The following CADM2 variants were observed in gnomAD, a reference collection of about 807,000 sequenced individuals.
CADM2 encodes the protein cell adhesion molecule 2, also known as immunoglobulin superfamily member 4D.
CADM2 carries 12 observed loss-of-function variants against 49.8 expected under a neutral mutation model. That is an observed-to-expected ratio of 0.24 (90% CI 0.15 to 0.39). CADM2 has a LOEUF of 0.39. Among genes scored for constraint, CADM2 ranks in the 10% least tolerant of loss-of-function variants. CADM2 has a pLI of 1.00. For synonymous variants in CADM2, 214 were observed against 175.4 expected (o/e 1.22, Z -1.74); for missense variants, 378 against 492.3 (o/e 0.77, Z 2.20).
At chr3:85,125,173 G>A (rs974566652) in intron 1 of CADM2, among the ~76,000 whole-genome samples, 1 of 152,114 alleles carries the variant, frequency 6.6e-6, no homozygotes, top group Non-Finnish European at 1.5e-5. Context: ...GTTTTATTTT[G>A]TTATCAAAGC....
intron 1 of CADM2, among the ~76,000 whole-genome samples, chr3:85,613,519 G>C (rs1210712657): frequency 6.6e-6 from 1 of 151,702 alleles, no homozygotes; most frequent in Non-Finnish European, 1.5e-5. Context: ...GAATATTAAA[G>C]AGAGGTCTTT....
chr3:85,458,421 C>T (rs906725702), intron 1 of CADM2, among the ~76,000 whole-genome samples: 1 of 152,132 alleles, frequency 6.6e-6, no homozygotes, highest in Non-Finnish European at 1.5e-5. Flanking sequence ...GTCTGCAACA[C>T]AGTGATCTAA....
chr3:85,823,831 T>C (rs1451953528), intron 3 of CADM2, among the ~76,000 whole-genome samples: 1 of 152,098 alleles, frequency 6.6e-6, no homozygotes, highest in Non-Finnish European at 1.5e-5. Flanking sequence ...TTTTGATATA[T>C]AAAGATACAG....
intron 1 of CADM2, among the ~76,000 whole-genome samples, chr3:84,979,211 T>C (rs1274130013): frequency 1.3e-5 from 2 of 152,224 alleles, no homozygotes; most frequent in East Asian, 1.9e-4. Context: ...AAAAGTGTTA[T>C]ATAATGATGA....
At chr3:85,046,632 C>A (rs1022425198) in intron 1 of CADM2, among the ~76,000 whole-genome samples, 2 of 151,732 alleles carry the variant, frequency 1.3e-5, no homozygotes, top group Admixed American at 6.6e-5. Flanking sequence ...TCTTAAAATT[C>A]TCATGTTATG....
chr3:85,860,928 T>C (rs2075507130), intron 3 of CADM2, among the ~76,000 whole-genome samples: 1 of 152,098 alleles, frequency 6.6e-6, no homozygotes, highest in Non-Finnish European at 1.5e-5. Context: ...GCTTCTGTCA[T>C]CTAGGAACAG....
chr3:85,425,074 T>A (rs1446328724), intron 1 of CADM2, among the ~76,000 whole-genome samples: 1 of 152,176 alleles, frequency 6.6e-6, no homozygotes, highest in Non-Finnish European at 1.5e-5. Context: ...ACATGTTTTA[T>A]TACGATATAA....
intron 1 of CADM2, among the ~76,000 whole-genome samples, chr3:85,718,708 A>G (rs2067387005): frequency 6.6e-6 from 1 of 151,864 alleles, no homozygotes; most frequent in South Asian, 2.1e-4. Context: ...AATATCAGTT[A>G]TTTTGCTATG....
rs61724789 is a variant in CADM2, at chr3:85,769,540, CGTATATACATATATGT to C, written c.89-32506_89-32491del. ...GTATATACATATATGTATATATACA[CGTATATACATATATGT>C]ATATATACACGTATATACATATATA... On this transcript the variant is annotated intron_variant, in intron 2 of 9. Transcript: ENST00000383699. 2.6e-4 allele frequency among the ~76,000 whole-genome samples: 26 copies of C among 101,824 alleles called. 2 individuals carry two copies. The highest frequency in any genetic ancestry group is 9.4e-4 in the African/African-American group (21 of 22,234). 66.8% of individuals were successfully genotyped at this position (101,824 alleles called of 152,430 possible). A position where few individuals can be genotyped will look rare whatever the true frequency, so the allele number is the denominator to read the frequency against.
chr3:85,114,274 G>T (rs979990291), intron 1 of CADM2, among the ~76,000 whole-genome samples: 1 of 152,062 alleles, frequency 6.6e-6, no homozygotes, highest in Admixed American at 6.6e-5. Context: ...GGGCTGAATC[G>T]ATAGGACAGA....
intron 1 of CADM2, among the ~76,000 whole-genome samples, chr3:85,369,979 A>C (rs1282983973): frequency 7.2e-5 from 11 of 152,002 alleles, no homozygotes; most frequent in Middle Eastern, 3.2e-3. Context: ...ATTAAAAAAA[A>C]CAGCAAAATC....
intron 1 of CADM2, among the ~76,000 whole-genome samples, chr3:85,523,923 AT>A (rs2061092510): frequency 6.6e-6 from 1 of 152,172 alleles, no homozygotes; most frequent in Admixed American, 6.5e-5. Flanking sequence ...CAACAAAAAA[AT>A]AAATTGATCA....
At chr3:85,151,192 G>T (rs1488901980) in intron 1 of CADM2, among the ~76,000 whole-genome samples, 1 of 152,062 alleles carries the variant, frequency 6.6e-6, no homozygotes, top group African/African-American at 2.4e-5. Flanking sequence ...TATAGAGACT[G>T]CTCAGTTAAT....
intron 1 of CADM2, among the ~76,000 whole-genome samples, chr3:85,688,831 G>A (rs1187254083): frequency 1.3e-5 from 2 of 152,042 alleles, no homozygotes; most frequent in African/African-American, 4.8e-5. Context: ...GCCTCCCAAT[G>A]TGCCAGGATT....
intron 1 of CADM2, among the ~76,000 whole-genome samples, chr3:85,381,984 C>A (rs1559811125): frequency 6.8e-6 from 1 of 146,022 alleles, no homozygotes. Context: ...CTCACCAAGC[C>A]TTTTTTTTTT....
At chr3:85,178,107 C>T (rs1467273034) in intron 1 of CADM2, among the ~76,000 whole-genome samples, 1 of 151,790 alleles carries the variant, frequency 6.6e-6, no homozygotes, top group Non-Finnish European at 1.5e-5. Flanking sequence ...GGATTAACAA[C>T]AACAAATGTA....
At chr3:85,543,431 T>TGTGTGTGTGTGG (rs1559899016) in intron 1 of CADM2, among the ~76,000 whole-genome samples, 3 of 69,932 alleles carry the variant, frequency 4.3e-5, no homozygotes, top group East Asian at 1.2e-3. Context: ...TGTGTGTGTG[T>TGTGTGTGTGTGG]GTGTGTGTGT....
At chr3:86,063,760 C>T (rs1738973322) in intron 8 of CADM2, among the ~76,000 whole-genome samples, 1 of 152,150 alleles carries the variant, frequency 6.6e-6, no homozygotes, top group African/African-American at 2.4e-5. Flanking sequence ...TAATCCAGCT[C>T]TAGTTTTTGA....
At chr3:85,462,323 G>C (rs181754309) in intron 1 of CADM2, among the ~76,000 whole-genome samples, 1 of 152,256 alleles carries the variant, frequency 6.6e-6, no homozygotes, top group East Asian at 1.9e-4. Flanking sequence ...CAGCTGTAGT[G>C]ATCTAACAAA....
Sources: allele counts gnomAD v4.1 joint callset (sites outside exome capture counted in the v4.1 genomes callset), GRCh38; gene constraint gnomAD v4.1.1; transcripts MANE v1.5; gene names NCBI Gene and HGNC (gene_info 2026-07-23, HGNC 2026-07-21).